Variants in CDYL2 observed in about 807,000 individuals in gnomAD.
CDYL2 encodes the protein chromodomain Y-like protein 2.
In CDYL2, 23 loss-of-function variants were observed where a neutral mutation model predicts 49.4. The ratio of observed to expected loss-of-function variants is 0.47; its 90% CI spans 0.34 to 0.66. The LOEUF (loss-of-function observed/expected upper bound fraction) is 0.66, where lower values mean the gene tolerates loss of function less well. Ranked by LOEUF, CDYL2 falls within the 30% of genes least tolerant of loss-of-function variation. The pLI, the probability that CDYL2 is intolerant of heterozygous loss-of-function variation, is 0.01. For missense variants in CDYL2, 678 were observed against 656.4 expected (o/e 1.03, Z -0.36); for synonymous variants, 360 against 268.8 (o/e 1.34, Z -3.32).
At chr16:80,786,424 A>G (rs902330143) in intron 1 of CDYL2, among the ~76,000 whole-genome samples, 2 of 152,264 alleles carry the variant, frequency 1.3e-5, no homozygotes, top group African/African-American at 2.4e-5. Flanking sequence ...ATACCATCTC[A>G]CGCCAGTTAG....
intron 1 of CDYL2, among the ~76,000 whole-genome samples, chr16:80,797,034 C>T (rs182749300): frequency 6.6e-6 from 1 of 152,284 alleles, no homozygotes; most frequent in East Asian, 1.9e-4. Context: ...ACCCCTTGTA[C>T]ATCTGACCTT....
intron 2 of CDYL2, among the ~76,000 whole-genome samples, chr16:80,682,987 C>T (rs1052024164): frequency 1.8e-4 from 27 of 152,152 alleles, no homozygotes; most frequent in African/African-American, 5.8e-4. Flanking sequence ...GAAAGAGGAG[C>T]CTCAACACGG....
intron 1 of CDYL2, among the ~76,000 whole-genome samples, chr16:80,773,968 A>G (rs995177183): frequency 6.6e-6 from 1 of 152,146 alleles, no homozygotes; most frequent in African/African-American, 2.4e-5. Flanking sequence ...AGCAAGGAAG[A>G]GAATATTAAG....
intron 1 of CDYL2, among the ~76,000 whole-genome samples, chr16:80,713,551 G>A (rs1904692756): frequency 6.6e-6 from 1 of 152,170 alleles, no homozygotes; most frequent in African/African-American, 2.4e-5. Context: ...GGTGGGGGAT[G>A]ACCGGCCTCA....
intron 6 of CDYL2, among the ~76,000 whole-genome samples, chr16:80,604,993 A>G (rs1447489226): frequency 6.6e-6 from 1 of 152,228 alleles, no homozygotes. Context: ...CCTGAGAGCA[A>G]TGCCCCGTGT....
intron 3 of CDYL2, among the ~76,000 whole-genome samples, chr16:80,626,324 TA>T (rs200224980): frequency 2.7e-4 from 32 of 120,754 alleles, no homozygotes; most frequent in African/African-American, 3.7e-4. Context: ...GTGTTGTTAA[TA>T]AAAAAAAACT....
intron 1 of CDYL2, among the ~76,000 whole-genome samples, chr16:80,739,603 C>G (rs1010868770): frequency 9.2e-5 from 14 of 152,246 alleles, no homozygotes; most frequent in Admixed American, 2.6e-4. Flanking sequence ...CCCAGCACAC[C>G]AGAGAGACCC....
intron 2 of CDYL2, among the ~76,000 whole-genome samples, chr16:80,643,761 G>A (rs1908209309): frequency 6.6e-6 from 1 of 152,216 alleles, no homozygotes; most frequent in South Asian, 2.1e-4. Flanking sequence ...CTGGGACACA[G>A]GGCACCAAGT....
At chr16:80,734,944 T>C (rs905588283) in intron 1 of CDYL2, among the ~76,000 whole-genome samples, 5 of 152,180 alleles carry the variant, frequency 3.3e-5, no homozygotes, top group African/African-American at 1.2e-4. Flanking sequence ...ATTCAAAGGC[T>C]TCCCAGTGAT....
intron 2 of CDYL2, among the ~76,000 whole-genome samples, chr16:80,667,296 T>G (rs1473984190): frequency 6.6e-6 from 1 of 152,174 alleles, no homozygotes; most frequent in Non-Finnish European, 1.5e-5. Flanking sequence ...CAGCCTCCCG[T>G]GCAGGCTGCT....
intron 3 of CDYL2, 138 bp downstream of exon 3, chr16:80,632,881 G>A (rs9941005): frequency 0.022 from 15,692 of 712,218 alleles, 1,148 homozygotes; most frequent in African/African-American, 0.2. Context: ...AGCAAATTGC[G>A]CGCTGCAGTC....
At position 80,685,117 on chromosome 16, in the gene CDYL2, C is replaced by T. The variant is rs761503366; in HGVS notation, c.37G>A (p.Val13Ile). ...CCTTTCTTGTTCTTCCTCTTGTCTA[C>T]AATCCTTTCAACCTGCGATACAAGA... ...SGDLYEVERI[V>I]DKRKNKKGKW... Residue 13 changes from valine to isoleucine, a missense_variant, in exon 2 of 7, where the codon GTA becomes ATA. Around this residue, in one of 3 missense-constraint regions of CDYL2, gnomAD observed 478 missense variants for 427.0 expected, o/e 1.12. Coordinates refer to ENST00000570137, the MANE Select transcript of CDYL2 (RefSeq NM_152342.4). 9 of 1,609,822 alleles carry T rather than the reference C, an allele frequency of 5.6e-6. No homozygotes were observed. The highest frequency in any genetic ancestry group is 6.8e-6 in the Non-Finnish European group (8 of 1,177,502).
At chr16:80,672,885 C>A (rs1467625242) in intron 2 of CDYL2, among the ~76,000 whole-genome samples, 1 of 152,214 alleles carries the variant, frequency 6.6e-6, no homozygotes, top group African/African-American at 2.4e-5. Flanking sequence ...TTATTAACAG[C>A]AGCTCATTGG....
chr16:80,733,837 C>T (rs1905419855), intron 1 of CDYL2, among the ~76,000 whole-genome samples: 3 of 152,154 alleles, frequency 2.0e-5, no homozygotes, highest in Non-Finnish European at 4.4e-5. Flanking sequence ...CTCCTTCCTC[C>T]AATCTCATCT....
chr16:80,623,909 G>T (rs981739322), intron 3 of CDYL2, among the ~76,000 whole-genome samples: 1 of 152,286 alleles, frequency 6.6e-6, no homozygotes, highest in African/African-American at 2.4e-5. Context: ...GTGATGCCCA[G>T]GGGAAAGCAG....
intron 1 of CDYL2, among the ~76,000 whole-genome samples, chr16:80,749,558 T>A (rs1319671930): frequency 6.6e-6 from 1 of 151,480 alleles, no homozygotes; most frequent in Non-Finnish European, 1.5e-5. Context: ...CAAAAAAAAA[T>A]TGCTAAAAGA....
chr16:80,669,929 G>C (rs1909430551), intron 2 of CDYL2, among the ~76,000 whole-genome samples: 1 of 152,174 alleles, frequency 6.6e-6, no homozygotes, highest in South Asian at 2.1e-4. Flanking sequence ...ATGCTCTGAG[G>C]AGCTGACTCG....
At chr16:80,722,258 C>G (rs1231025318) in intron 1 of CDYL2, among the ~76,000 whole-genome samples, 1 of 151,976 alleles carries the variant, frequency 6.6e-6, no homozygotes. Context: ...ATGTCCACCC[C>G]CCAGATTACT....
At chr16:80,798,650 A>C (rs578230012) in intron 1 of CDYL2, among the ~76,000 whole-genome samples, 1 of 152,210 alleles carries the variant, frequency 6.6e-6, no homozygotes, top group Non-Finnish European at 1.5e-5. Flanking sequence ...TCCAGTCAAC[A>C]GTATGCTACT....
Sources: allele counts gnomAD v4.1 joint callset (sites outside exome capture counted in the v4.1 genomes callset), GRCh38; gene constraint gnomAD v4.1.1; regional missense constraint gnomAD v4.1.1; transcripts MANE v1.5; gene names NCBI Gene and HGNC (gene_info 2026-07-23, HGNC 2026-07-21).